The following SYNE1 variants were observed in gnomAD, a reference collection of about 807,000 sequenced individuals.
SYNE1 encodes nesprin-1.
Under a neutral mutation model 1,111.0 loss-of-function variants are expected in SYNE1, and 616 were observed. The ratio of observed to expected loss-of-function variants is 0.55; its 90% confidence interval spans 0.52 to 0.59. The LOEUF is 0.59. Ranked by LOEUF, SYNE1 falls within the 20% of genes least tolerant of loss-of-function variation. SYNE1 has a pLI of 0.00. For missense variants in SYNE1, 10,006 were observed against 10,417.0 expected (o/e 0.96, Z 1.72); for synonymous variants, 3,855 against 3,825.8 (o/e 1.01, Z -0.28).
chr6:152,615,832 G>T (rs1427392196), intron 3 of SYNE1, among the ~76,000 whole-genome samples: 1 of 152,150 alleles, frequency 6.6e-6, no homozygotes, highest in East Asian at 1.9e-4. Context: ...CACACCTTTT[G>T]ACTTTTACAG....
chr6:152,624,620 T>C (rs1296147098), intron 3 of SYNE1, among the ~76,000 whole-genome samples: 1 of 152,178 alleles, frequency 6.6e-6, no homozygotes, highest in Non-Finnish European at 1.5e-5. Flanking sequence ...TGTATTTGCT[T>C]TTACGGTTAT....
intron 3 of SYNE1, among the ~76,000 whole-genome samples, chr6:152,553,498 C>A (rs2099354783): frequency 6.6e-6 from 1 of 152,108 alleles, no homozygotes. Flanking sequence ...AGAGCACCTC[C>A]AAGCTAGGCC....
At chr6:152,138,889 C>T (rs1020674200) in intron 140 of SYNE1, among the ~76,000 whole-genome samples, 2 of 152,140 alleles carry the variant, frequency 1.3e-5, no homozygotes, top group African/African-American at 4.8e-5. Context: ...TATATCCATG[C>T]GGGCCAAGCC....
intron 104 of SYNE1, among the ~76,000 whole-genome samples, chr6:152,251,479 C>T (rs1269465443): frequency 6.6e-6 from 1 of 152,032 alleles, no homozygotes; most frequent in African/African-American, 2.4e-5. Flanking sequence ...AAAATGCAGG[C>T]CGGGCGCGGT....
At position 152,269,181 on chromosome 6, in the gene SYNE1, G is replaced by A. The variant is rs201873107; in HGVS notation, c.18679C>T (p.Arg6227Trp). 111 of 1,614,066 alleles carry A rather than the reference G, an allele frequency of 6.9e-5. No individual in the cohort carries two copies. The highest frequency in any genetic ancestry group is 8.9e-5 in the Non-Finnish European group (105 of 1,180,030). Residue 6227 changes from arginine (R) to tryptophan (W), a missense_variant, in exon 99 of 146, where the codon CGG becomes TGG. Arg to Trp is a moderately radical substitution (Grantham distance 101, BLOSUM62 -3). Around this residue, in one of 7 missense-constraint regions of SYNE1, gnomAD observed 2,182 missense variants for 2,287.8 expected, o/e 0.95. Coordinates refer to ENST00000367255, the MANE Select transcript of SYNE1 (RefSeq NM_182961.4). ...AQARTTWTQQ[R>W]QSSLQQQKEL... Reference sequence around the variant, plus strand: ...TTTTGTTGCTGGAGACTGCTCTGCCGCTGCTGGGTCCATGTGGTGCGAGCT... The same window carrying A: ...TTTTGTTGCTGGAGACTGCTCTGCCACTGCTGGGTCCATGTGGTGCGAGCT...
Position 152,624,820 on chromosome 6 carries a change from G to C in SYNE1, c.67+3445C>G, listed in dbSNP as rs555531946. Among the ~76,000 whole-genome samples the C allele has an allele frequency of 2.6e-5, 4 of 152,280 alleles. No individual in the cohort carries two copies. In the South Asian group the frequency reaches 6.2e-4, roughly 24 times the overall value. ...GCAGCTAAATTATGTAGCAATCTCTGTGTGTGCTTTAATTTCCTAGCCCTA... is the reference window on the plus strand; with the variant it reads ...GCAGCTAAATTATGTAGCAATCTCTCTGTGTGCTTTAATTTCCTAGCCCTA... On this transcript the variant is annotated intron_variant, in intron 3 of 145. Transcript: ENST00000367255.
rs1020117564 is a variant in SYNE1, at chr6:152,232,236, A to G, written c.20742T>C (p.His6914=). The G allele has an allele frequency of 1.2e-6, 2 of 1,613,906 alleles. No individual in the cohort carries two copies. Among genetic ancestry groups the G allele is most frequent in the Non-Finnish European group, 8.5e-7 (1 of 1,179,954 alleles). ...QLQMDKLPSR[H]AISEVMSWIS... Reference sequence around the variant, plus strand: ...TCCAACTCATGACTTCAGAAATGGCATGGCGGGAAGGCAGTTTATCCATCT... The same window carrying G: ...TCCAACTCATGACTTCAGAAATGGCGTGGCGGGAAGGCAGTTTATCCATCT... The change falls in exon 113 of 146, where the codon CAT becomes CAC. Residue 6914 remains histidine, a synonymous_variant. Coordinates refer to ENST00000367255, the MANE Select transcript of SYNE1 (RefSeq NM_182961.4).
chr6:152,553,359 C>T (rs914972386), intron 3 of SYNE1, among the ~76,000 whole-genome samples: 2 of 152,200 alleles, frequency 1.3e-5, no homozygotes, highest in Non-Finnish European at 2.9e-5. Context: ...ATTCCCAACT[C>T]ACAGATGAGG....
intron 91 of SYNE1, among the ~76,000 whole-genome samples, chr6:152,304,316 A>T (rs2095306373): frequency 6.6e-6 from 1 of 152,148 alleles, no homozygotes; most frequent in African/African-American, 2.4e-5. Context: ...CAAAAATTGA[A>T]GGAATCTTTT....
intron 14 of SYNE1, 84 bp downstream of exon 14, chr6:152,483,001 C>G (rs148092759): frequency 6.7e-7 from 1 of 1,495,904 alleles, no homozygotes; most frequent in Non-Finnish European, 9.3e-7. Flanking sequence ...GGGGCGTCCC[C>G]GCCAGAGCAG....
chr6:152,598,571 A>T (rs10457880), intron 3 of SYNE1, among the ~76,000 whole-genome samples: 9,823 of 152,302 alleles, frequency 0.064, 370 homozygotes, highest in Middle Eastern at 0.11. Flanking sequence ...TCCCATAATG[A>T]ATCAGCTTCA....
At chr6:152,208,314 T>A (rs749748963) in intron 124 of SYNE1, 108 bp from the exon 125 acceptor site, 13 of 991,302 alleles carry the variant, frequency 1.3e-5, no homozygotes, top group Non-Finnish European at 1.9e-5. Flanking sequence ...AGAAGTGATC[T>A]AGGGCGGTGG....
chr6:152,300,662 A>G lies in SYNE1; in HGVS notation c.17661T>C (p.Asn5887=), dbSNP rs1274496354. ...GTACCTGGTTAACAGAAGCATCTGT[A>G]TTAGCCACAGGTGAAGGGGAGCGAC... ...PACRSPSPVA[N]TDASVNQDIA... The change falls in exon 93 of 146, where the codon AAT becomes AAC. Residue 5887 remains asparagine, a synonymous_variant. Transcript: ENST00000367255. The G allele has an allele frequency of 1.9e-6, 3 of 1,614,064 alleles. No individual in the cohort carries two copies. The highest frequency in any genetic ancestry group is 2.5e-6 in the Non-Finnish European group (3 of 1,180,040).
intron 7 of SYNE1, 63 bp from the exon 8 acceptor site, chr6:152,510,434 G>A: frequency 1.3e-6 from 2 of 1,562,520 alleles, no homozygotes; most frequent in East Asian, 2.3e-5. Context: ...TTCCTCAGAT[G>A]TTTTACTTTT....
At chr6:152,212,515 T>C (rs999868569) in intron 123 of SYNE1, among the ~76,000 whole-genome samples, 1 of 152,226 alleles carries the variant, frequency 6.6e-6, no homozygotes, top group Non-Finnish European at 1.5e-5. Context: ...ATTTTATTTA[T>C]CCATTTATCA....
chr6:152,579,445 T>C (rs2099511940), intron 3 of SYNE1, among the ~76,000 whole-genome samples: 1 of 152,260 alleles, frequency 6.6e-6, no homozygotes, highest in South Asian at 2.1e-4. Flanking sequence ...CTGCCAGATG[T>C]ATTAAGAGAG....
At chr6:152,203,235 G>GT (rs1332530551) in intron 126 of SYNE1, among the ~76,000 whole-genome samples, 3 of 152,104 alleles carry the variant, frequency 2.0e-5, no homozygotes, top group African/African-American at 7.2e-5. Flanking sequence ...TCAGACACAC[G>GT]TAATTTTTTT....
At chr6:152,596,673 C>A (rs1181134300) in intron 3 of SYNE1, among the ~76,000 whole-genome samples, 2 of 152,014 alleles carry the variant, frequency 1.3e-5, no homozygotes, top group African/African-American at 4.8e-5. Context: ...TGTACGTAAG[C>A]AGAATGAAAG....
Position 152,352,371 on chromosome 6 carries a change from T to C in SYNE1, c.11254-18A>G, listed in dbSNP as rs1669585373. 1.2e-6 allele frequency: 2 copies of C among 1,612,510 alleles called. No individual in the cohort carries two copies. On this transcript the variant is annotated intron_variant, in intron 69 of 145. Coordinates refer to ENST00000367255, the MANE Select transcript of SYNE1 (RefSeq NM_182961.4). ...AGCAAAACCTGAAAAAGAGAGTGAG[T>C]AGGAGCAAAGGTAGTCTTGTTTCTT... is the stretch of plus-strand genomic sequence containing the variant.
Sources: gnomAD v4.1 joint callset for allele counts (sites outside exome capture counted in the v4.1 genomes callset) on GRCh38, gnomAD v4.1.1 for gene constraint, gnomAD v4.1.1 regional missense constraint, MANE v1.5 for transcripts, NCBI Gene and HGNC (gene_info 2026-07-23, HGNC 2026-07-21) for gene names.